FNBP4: variants seen among roughly 807,000 people sequenced by gnomAD.
The protein encoded by FNBP4 is formin-binding protein 4.
In FNBP4, 34 loss-of-function variants were observed where a neutral mutation model predicts 119.3. The ratio of observed to expected loss-of-function variants is 0.28; its 90% CI spans 0.22 to 0.38. The LOEUF (loss-of-function observed/expected upper bound fraction) is 0.38, where lower values mean the gene tolerates loss of function less well. Ranked by LOEUF, FNBP4 falls within the 10% of genes least tolerant of loss-of-function variation. FNBP4 has a pLI of 1.00. For missense variants in FNBP4, 1,112 were observed against 1,228.9 expected, an observed-to-expected ratio of 0.90 and a Z score of 1.42; for synonymous variants, 462 against 430.6, an observed-to-expected ratio of 1.07 and a Z score of -0.90.
intron 1 of FNBP4, 32 bp from the exon 2 acceptor site, chr11:47,765,394 G>GAAAAGAA (rs764859932): frequency 6.0e-6 from 8 of 1,339,440 alleles, no homozygotes; most frequent in Middle Eastern, 4.1e-4. Context: ...GAAAAGAAAA[G>GAAAAGAA]AAAAGAAAAG....
chr11:47,761,560 C>G (rs184627975), intron 2 of FNBP4, among the ~76,000 whole-genome samples: 372 of 151,474 alleles, frequency 2.5e-3, no homozygotes, highest in Middle Eastern at 0.014. Flanking sequence ...CCACTGCACT[C>G]CAGCCTGGGC....
intron 16 of FNBP4, among the ~76,000 whole-genome samples, 157 bp downstream of exon 16, chr11:47,719,770 CAT>C (rs1469273608): frequency 1.3e-5 from 2 of 152,074 alleles, no homozygotes; most frequent in Non-Finnish European, 2.9e-5. Context: ...AGGAATTAAA[CAT>C]GTTTATAAAT....
chr11:47,764,055 G>A (rs1215173433), intron 2 of FNBP4, among the ~76,000 whole-genome samples: 3 of 152,092 alleles, frequency 2.0e-5, no homozygotes, highest in Admixed American at 2.0e-4. Context: ...ATCACGAGAG[G>A]ACATTCAAAC....
chr11:47,739,102 TTTG>T (rs1217505674), intron 8 of FNBP4, among the ~76,000 whole-genome samples: 2 of 151,814 alleles, frequency 1.3e-5, no homozygotes, highest in Non-Finnish European at 2.9e-5. Context: ...AGCCTCATTT[TTTG>T]TTTTTTAGTA....
At chr11:47,724,197 G>C in intron 13 of FNBP4, 25 bp from the exon 14 acceptor site, 1 of 1,612,738 alleles carries the variant, frequency 6.2e-7, no homozygotes, top group Non-Finnish European at 8.5e-7. Context: ...TTTGTTATCA[G>C]TGGCTGAAGG....
At chr11:47,760,530 C>T (rs1178038323) in intron 2 of FNBP4, among the ~76,000 whole-genome samples, 1 of 151,218 alleles carries the variant, frequency 6.6e-6, no homozygotes, top group African/African-American at 2.4e-5. Context: ...CTCCCGTGTT[C>T]AAGCGATTTT....
chr11:47,721,484 C>T (rs138046857), intron 15 of FNBP4, among the ~76,000 whole-genome samples: 370 of 151,766 alleles, frequency 2.4e-3, no homozygotes, highest in Middle Eastern at 0.014. Context: ...ATGCCTGTCG[C>T]CCCAGCTACT....
Position 47,750,963 on chromosome 11 carries a change from A to T in FNBP4, c.859T>A (p.Ser287Thr), listed in dbSNP as rs1330876154. 6.2e-7 allele frequency: 1 copy of T among 1,613,970 alleles called. No individual in the cohort carries two copies. The highest frequency in any genetic ancestry group is 1.3e-5 in the African/African-American group (1 of 74,928). ...ATGACTGGTCCACTTTTACTACTGG[A>T]AACAGAAATCGTTTTCTCCTTAGAA... is the stretch of plus-strand genomic sequence containing the variant. ...IYSKEKTISVSSSKSGPVIAK... is the reference protein window; with the variant it reads ...IYSKEKTISVTSSKSGPVIAK... Residue 287 changes from serine to threonine, a missense_variant, in exon 6 of 17, where the codon TCC (serine) becomes ACC (threonine). Coordinates refer to ENST00000263773, the MANE Select transcript of FNBP4 (RefSeq NM_015308.5).
intron 16 of FNBP4, among the ~76,000 whole-genome samples, chr11:47,719,576 ATG>A (rs66711141): frequency 0.32 from 47,168 of 147,360 alleles, 7,339 homozygotes; most frequent in South Asian, 0.35. Flanking sequence ...TTATGTGTGT[ATG>A]TGTGTGTGTG....
intron 1 of FNBP4, among the ~76,000 whole-genome samples, chr11:47,766,414 A>C (rs1353645589): frequency 6.6e-6 from 1 of 152,244 alleles, no homozygotes; most frequent in Non-Finnish European, 1.5e-5. Context: ...GGACCTTTAC[A>C]AGACACACCA....
chr11:47,729,992 C>A, intron 12 of FNBP4: 2 of 985,386 alleles, frequency 2.0e-6, no homozygotes, highest in Non-Finnish European at 2.4e-6. Context: ...GCTCAAGAGC[C>A]TCCTTTTACC....
chr11:47,723,271 T>C lies in FNBP4; in HGVS notation c.2510A>G (p.His837Arg). The change falls in exon 15 of 17, where the codon CAT becomes CGT. Residue 837 changes from histidine (H) to arginine (R), a missense_variant. His to Arg is a conservative substitution (Grantham distance 29, BLOSUM62 0). Coordinates refer to ENST00000263773, the MANE Select transcript of FNBP4 (RefSeq NM_015308.5). ...TGGAAGGCTAACTGGTATTGTCTGA[T>C]GTCCAATTCCTGTTGCCTGGTTTCC... Reference protein sequence around the residue: ...GIGNQATGIGHQTIPVSLPAA... With the variant: ...GIGNQATGIGRQTIPVSLPAA... 2 of 1,613,672 alleles carry C rather than the reference T, an allele frequency of 1.2e-6. No individual in the cohort carries two copies. Among genetic ancestry groups the C allele is most frequent in the Non-Finnish European group, 1.7e-6 (2 of 1,179,620 alleles).
Position 47,727,814 on chromosome 11 carries a change from T to G in FNBP4, c.2009-3036A>C, listed in dbSNP as rs2097562856. The stretch of plus-strand genomic sequence containing the variant: ...GCTTCTCCTTGCTTTTAAATTTAAC[T>G]TAGTTAGTATTTTTGCTGTTTAAGA... On this transcript the variant is annotated intron_variant, in intron 12 of 16. Coordinates refer to ENST00000263773, the MANE Select transcript of FNBP4 (RefSeq NM_015308.5). Among the ~76,000 whole-genome samples, 3 of 152,170 alleles carry G rather than the reference T, an allele frequency of 2.0e-5. No individual in the cohort carries two copies. In the South Asian group the frequency reaches 6.2e-4, roughly 32 times the overall value.
chr11:47,719,576 A>ATGTGTGTGTGTG (rs66711141), intron 16 of FNBP4, among the ~76,000 whole-genome samples: 68 of 147,802 alleles, frequency 4.6e-4, no homozygotes, highest in African/African-American at 1.5e-3. Context: ...TTATGTGTGT[A>ATGTGTGTGTGTG]TGTGTGTGTG....
In FNBP4 at chr11:47,721,949, A is replaced by G. The variant is rs1318706615; in HGVS notation, c.2805+1027T>C. Among the ~76,000 whole-genome samples, 6 of 144,502 alleles carry G rather than the reference A, an allele frequency of 4.2e-5. 1 individual carries two copies. The highest frequency in any genetic ancestry group is 7.0e-5 in the Admixed American group (1 of 14,218). 94.8% of individuals were successfully genotyped at this position (144,502 alleles called of 152,430 possible). Reference sequence around the variant, plus strand: ...AAAAAAAGCTAAAAAATAAAGCTGGAAAGACCAACAAAGCAAACTGCCATA... The same window carrying G: ...AAAAAAAGCTAAAAAATAAAGCTGGGAAGACCAACAAAGCAAACTGCCATA... On this transcript the variant is annotated intron_variant, in intron 15 of 16. Transcript: ENST00000263773.
At chr11:47,727,788 T>C (rs1202870318) in intron 12 of FNBP4, among the ~76,000 whole-genome samples, 1 of 152,250 alleles carries the variant, frequency 6.6e-6, no homozygotes, top group Non-Finnish European at 1.5e-5. Context: ...ATTACAATGA[T>C]GCTTCTCCTT....
At chr11:47,733,154 A>G (rs1027353077) in intron 10 of FNBP4, among the ~76,000 whole-genome samples, 1 of 152,188 alleles carries the variant, frequency 6.6e-6, no homozygotes, top group African/African-American at 2.4e-5. Context: ...AGTTCTGAAA[A>G]ATGAAATTGG....
rs10688485 is a variant in FNBP4, at chr11:47,749,096, AAAACAAAC to A, written c.906+1812_906+1819del. On this transcript the variant is annotated intron_variant, in intron 6 of 16. Transcript: ENST00000263773. ...AACATGGTGAGACCACGTCTCTCAA[AAAACAAAC>A]AAACAAACAAACAAACAAACAAAAC... 8.2e-3 allele frequency among the ~76,000 whole-genome samples: 1,225 copies of A among 149,394 alleles called. 16 individuals carry two copies. Among genetic ancestry groups the A allele is most frequent in the African/African-American group, 0.028 (1,120 of 40,428 alleles).
chr11:47,754,623 C>G lies in FNBP4; in HGVS notation c.355G>C (p.Asp119His). 1 of 1,614,102 alleles carries G rather than the reference C, an allele frequency of 6.2e-7. No homozygotes were observed. Among genetic ancestry groups the G allele is most frequent in the South Asian group, 1.1e-5 (1 of 91,072 alleles). Reference sequence around the variant, plus strand: ...AGTTTTTCGGAAACATCATTGTCATCGTCATCACTGTCAGCATAAGCACCA... The same window carrying G: ...AGTTTTTCGGAAACATCATTGTCATGGTCATCACTGTCAGCATAAGCACCA... ...LLGAYADSDD[D>H]DNDVSEKLAQ... Residue 119 changes from aspartate (D) to histidine (H), a missense_variant, in exon 3 of 17, where the codon GAT becomes CAT. This residue lies in a region of FNBP4 where 286 missense variants were observed against 240.1 expected (regional missense o/e 1.19). Transcript: ENST00000263773.
Sources: allele counts gnomAD v4.1 joint callset (sites outside exome capture counted in the v4.1 genomes callset), GRCh38; gene constraint gnomAD v4.1.1; regional missense constraint gnomAD v4.1.1; transcripts MANE v1.5; gene names NCBI Gene and HGNC (gene_info 2026-07-23, HGNC 2026-07-21).